LRFN5: variants seen among roughly 807,000 people sequenced by gnomAD.
The protein encoded by LRFN5 is leucine-rich repeat and fibronectin type-III domain-containing protein 5.
In LRFN5, 24 loss-of-function variants were observed where a neutral mutation model predicts 45.6. The ratio of observed to expected loss-of-function variants is 0.53; its 90% CI spans 0.38 to 0.74. The LOEUF is 0.74. LRFN5 is among the 30% of genes least tolerant of loss of function. LRFN5 has a pLI of 0.00. For synonymous variants in LRFN5, 340 were observed against 313.8 expected, an observed-to-expected ratio of 1.08 and a Z score of -0.88; for missense variants, 776 against 861.5, an observed-to-expected ratio of 0.90 and a Z score of 1.24.
intron 1 of LRFN5, among the ~76,000 whole-genome samples, chr14:41,668,259 CTGAG>C (rs1268382604): frequency 6.6e-6 from 1 of 152,188 alleles, no homozygotes; most frequent in Middle Eastern, 3.4e-3. Context: ...TATTATGTGT[CTGAG>C]TATCACAAAA....
intron 1 of LRFN5, among the ~76,000 whole-genome samples, chr14:41,672,038 CA>C (rs1294067189): frequency 6.6e-6 from 1 of 152,160 alleles, no homozygotes; most frequent in Admixed American, 6.5e-5. Flanking sequence ...TTCCATAAGC[CA>C]GAAGTTTAAT....
At chr14:41,831,583 G>A (rs1044657995) in intron 2 of LRFN5, among the ~76,000 whole-genome samples, 9 of 152,084 alleles carry the variant, frequency 5.9e-5, no homozygotes, top group African/African-American at 1.9e-4. Flanking sequence ...GTACATGCTA[G>A]TTAGAGTAAA....
At chr14:41,783,397 T>C (rs1441161065) in intron 2 of LRFN5, among the ~76,000 whole-genome samples, 1 of 152,114 alleles carries the variant, frequency 6.6e-6, no homozygotes, top group African/African-American at 2.4e-5. Flanking sequence ...GATTTCATTG[T>C]GGCAGTTTTT....
chr14:41,803,856 GT>G (rs1382518469), intron 2 of LRFN5, among the ~76,000 whole-genome samples: 1 of 151,966 alleles, frequency 6.6e-6, no homozygotes, highest in East Asian at 2.0e-4. Context: ...GAAAGCCAGA[GT>G]TTTTTTCATT....
At chr14:41,823,281 G>A (rs80354172) in intron 2 of LRFN5, among the ~76,000 whole-genome samples, 59 of 151,854 alleles carry the variant, frequency 3.9e-4, no homozygotes, top group African/African-American at 1.4e-3. Context: ...TTAACCTTCC[G>A]TTTCCATGTT....
At chr14:41,613,970 A>G (rs1419963729) in intron 1 of LRFN5, among the ~76,000 whole-genome samples, 1 of 152,004 alleles carries the variant, frequency 6.6e-6, no homozygotes, top group Non-Finnish European at 1.5e-5. Context: ...TTTTAGTGGT[A>G]TTACCTCCCG....
chr14:41,638,779 A>T (rs993208230), intron 1 of LRFN5, among the ~76,000 whole-genome samples: 2 of 152,110 alleles, frequency 1.3e-5, no homozygotes, highest in African/African-American at 4.8e-5. Context: ...GTATAAACAG[A>T]TTAATTTTTA....
rs1055548575 is a variant in LRFN5, at chr14:41,608,046, G to A, written c.-713G>A. 1 of 152,170 alleles carries A rather than the reference G, an allele frequency of 6.6e-6. No homozygotes were observed. Among genetic ancestry groups the A allele is most frequent in the Admixed American group, 6.5e-5 (1 of 15,272 alleles). The allele number at this position is 152,170 out of a possible 1,614,324, so 9.4% of individuals were successfully genotyped here. On this transcript the variant is annotated 5_prime_UTR_variant, in exon 1 of 6. Coordinates refer to ENST00000298119, the MANE Select transcript of LRFN5 (RefSeq NM_152447.5). ...AATGTCACCAGCTCTTGAATTACGT[G>A]GATTCGGGTTGGAGGAGAACTTGAA...
At chr14:41,770,155 A>G (rs180887980) in intron 2 of LRFN5, among the ~76,000 whole-genome samples, 2 of 152,268 alleles carry the variant, frequency 1.3e-5, no homozygotes, top group Non-Finnish European at 2.9e-5. Flanking sequence ...GAATTTACTC[A>G]TCACCAAGGA....
At chr14:41,769,835 G>T (rs1886015883) in intron 2 of LRFN5, among the ~76,000 whole-genome samples, 1 of 152,070 alleles carries the variant, frequency 6.6e-6, no homozygotes, top group East Asian at 1.9e-4. Flanking sequence ...TAATTTATTT[G>T]CCATGTATAC....
chr14:41,765,297 G>T (rs1885836511), intron 1 of LRFN5, among the ~76,000 whole-genome samples: 1 of 149,364 alleles, frequency 6.7e-6, no homozygotes, highest in African/African-American at 2.5e-5. Context: ...AGCCGAGATC[G>T]CGCCACTGCA....
At chr14:41,670,342 A>G (rs1881144353) in intron 1 of LRFN5, among the ~76,000 whole-genome samples, 1 of 141,714 alleles carries the variant, frequency 7.1e-6, no homozygotes, top group African/African-American at 2.6e-5. Context: ...GGAAGAATAT[A>G]TATTATTAAA....
At chr14:41,728,862 A>G (rs1884048723) in intron 1 of LRFN5, among the ~76,000 whole-genome samples, 1 of 152,316 alleles carries the variant, frequency 6.6e-6, no homozygotes, top group Non-Finnish European at 1.5e-5. Flanking sequence ...TCAAAAATTG[A>G]TCAAGCATGT....
chr14:41,713,984 T>C (rs557978555), intron 1 of LRFN5, among the ~76,000 whole-genome samples: 2 of 152,282 alleles, frequency 1.3e-5, no homozygotes, highest in Non-Finnish European at 2.9e-5. Context: ...GCAATTAATA[T>C]GTAAATGGAG....
intron 2 of LRFN5, among the ~76,000 whole-genome samples, chr14:41,829,399 A>C (rs1019319244): frequency 2.2e-4 from 33 of 152,054 alleles, no homozygotes; most frequent in African/African-American, 8.0e-4. Flanking sequence ...TATTTTTAAA[A>C]GTATATTTCA....
chr14:41,632,457 G>C (rs533728419), intron 1 of LRFN5, among the ~76,000 whole-genome samples: 1 of 152,084 alleles, frequency 6.6e-6, no homozygotes, highest in African/African-American at 2.4e-5. Flanking sequence ...TACAAAATTA[G>C]CTGGCTGTGG....
At chr14:41,779,418 G>C (rs1335580249) in intron 2 of LRFN5, among the ~76,000 whole-genome samples, 1 of 151,826 alleles carries the variant, frequency 6.6e-6, no homozygotes, top group African/African-American at 2.4e-5. Flanking sequence ...AAAGAGAGCA[G>C]TTGGTCTATA....
chr14:41,652,872 G>A (rs1254707466), intron 1 of LRFN5, among the ~76,000 whole-genome samples: 2 of 151,980 alleles, frequency 1.3e-5, no homozygotes, highest in Non-Finnish European at 2.9e-5. Context: ...TGTGTGAGAT[G>A]GTGTCTCACT....
At chr14:41,611,553 A>G (rs999171514) in intron 1 of LRFN5, among the ~76,000 whole-genome samples, 2 of 152,220 alleles carry the variant, frequency 1.3e-5, no homozygotes, top group South Asian at 4.1e-4. Flanking sequence ...TAAGATATCT[A>G]TAAGAACAAG....
Sources: allele counts gnomAD v4.1 joint callset (sites outside exome capture counted in the v4.1 genomes callset), GRCh38; gene constraint gnomAD v4.1.1; transcripts MANE v1.5; gene names NCBI Gene and HGNC (gene_info 2026-07-23, HGNC 2026-07-21).